TRDN: variants seen among roughly 807,000 people sequenced by gnomAD.
TRDN encodes triadin in skeletal muscle.
TRDN carries 161 observed loss-of-function variants against 149.7 expected under a neutral mutation model. The observed-to-expected ratio is 1.08, with a 90% confidence interval of 0.95 to 1.23. TRDN has a LOEUF of 1.23. TRDN is among the 50% of genes most tolerant of loss of function. The pLI is 0.00. For synonymous variants in TRDN, 294 were observed against 250.5 expected, an observed-to-expected ratio of 1.17 and a Z score of -1.64; for missense variants, 896 against 823.5, an observed-to-expected ratio of 1.09 and a Z score of -1.08.
rs190190408 is a variant in TRDN, at chr6:123,321,834, C to G, written c.1472-5339G>C. ...TATCTGATTTCTTCTGCTGCAGACA[C>G]AATGCTTTGTGGTCCGGATAAATAT... On this transcript the variant is annotated intron_variant, in intron 23 of 40. Transcript: ENST00000334268. Among the ~76,000 whole-genome samples the G allele has an allele frequency of 2.1e-4, 31 of 150,390 alleles. 1 individual carries two copies. Among genetic ancestry groups the G allele is most frequent in the African/African-American group, 7.3e-4 (30 of 40,888 alleles).
chr6:123,485,668 T>C (rs555796833), intron 9 of TRDN, among the ~76,000 whole-genome samples: 244 of 152,232 alleles, frequency 1.6e-3, no homozygotes, highest in African/African-American at 5.6e-3. Flanking sequence ...ATAATGCTTA[T>C]TATGGTTATT....
rs1785344190 is a variant in TRDN, at chr6:123,620,813, G to T, written c.22+15941C>A. Among the ~76,000 whole-genome samples the T allele has an allele frequency of 3.3e-5, 5 of 152,120 alleles. No homozygotes were observed. In the South Asian group the frequency reaches 1.0e-3, roughly 32 times the overall value. On this transcript the variant is annotated intron_variant, in intron 1 of 40. Coordinates refer to ENST00000334268, the MANE Select transcript of TRDN (RefSeq NM_006073.4). ...GAATAGAAGTGGAAACCTAAGTTTT[G>T]CCTGAATGTTAACAATAGCAATATT...
At chr6:123,301,720 T>C (rs1456231365) in intron 24 of TRDN, among the ~76,000 whole-genome samples, 2 of 121,180 alleles carry the variant, frequency 1.7e-5, no homozygotes, top group African/African-American at 5.7e-5. Flanking sequence ...AACCTCCCAG[T>C]ACATATATGT....
At chr6:123,236,290 T>C (rs1044342988) in intron 38 of TRDN, among the ~76,000 whole-genome samples, 4 of 152,238 alleles carry the variant, frequency 2.6e-5, no homozygotes, top group African/African-American at 9.6e-5. Flanking sequence ...CTGGCTCTTA[T>C]TTGCTATTCA....
rs974776438 is a variant in TRDN at position 123,610,655 on chromosome 6, T to G, written c.22+26099A>C. On this transcript the variant is annotated intron_variant, in intron 1 of 40. Coordinates refer to ENST00000334268, the MANE Select transcript of TRDN (RefSeq NM_006073.4). ...TGCTATGAGAGCCTATAATGTACCT[T>G]CATTTTAAACAGCGACAGTTGGACT... 2.7e-4 allele frequency among the ~76,000 whole-genome samples: 41 copies of G among 152,318 alleles called. 1 individual carries two copies. The highest frequency in any genetic ancestry group is 9.9e-4 in the African/African-American group (41 of 41,584).
intron 20 of TRDN, among the ~76,000 whole-genome samples, chr6:123,353,719 C>A (rs1399946034): frequency 6.6e-6 from 1 of 151,374 alleles, no homozygotes; most frequent in Non-Finnish European, 1.5e-5. Context: ...TTGAAAAAAA[C>A]AGATATCCAA....
At chr6:123,380,018 C>G (rs1465072663) in intron 16 of TRDN, among the ~76,000 whole-genome samples, 1 of 152,014 alleles carries the variant, frequency 6.6e-6, no homozygotes, top group Non-Finnish European at 1.5e-5. Flanking sequence ...AAATCCAAAT[C>G]AAAGAAATTC....
chr6:123,353,872 A>T (rs540746025), intron 20 of TRDN, among the ~76,000 whole-genome samples: 1 of 151,818 alleles, frequency 6.6e-6, no homozygotes, highest in African/African-American at 2.4e-5. Flanking sequence ...GCAAATAAAT[A>T]TGTATGAACC....
intron 33 of TRDN, 32 bp downstream of exon 33, chr6:123,265,286 A>G: frequency 7.2e-7 from 1 of 1,391,406 alleles, no homozygotes; most frequent in South Asian, 1.4e-5. Flanking sequence ...ATGAAATAGG[A>G]CAATTTTAAA....
intron 35 of TRDN, among the ~76,000 whole-genome samples, chr6:123,258,311 C>G (rs1166575105): frequency 6.6e-6 from 1 of 152,142 alleles, no homozygotes; most frequent in East Asian, 1.9e-4. Flanking sequence ...AAATTTCCAT[C>G]AATACCTAGT....
intron 12 of TRDN, among the ~76,000 whole-genome samples, chr6:123,406,201 T>C (rs943265134): frequency 6.6e-6 from 1 of 152,204 alleles, no homozygotes; most frequent in Non-Finnish European, 1.5e-5. Context: ...ATATTCTGAA[T>C]GTTATTTTCA....
At chr6:123,520,743 T>A (rs573606045) in intron 5 of TRDN, among the ~76,000 whole-genome samples, 1 of 152,304 alleles carries the variant, frequency 6.6e-6, no homozygotes, top group African/African-American at 2.4e-5. Context: ...TGGGGCTACA[T>A]AGCCATAGTA....
intron 1 of TRDN, among the ~76,000 whole-genome samples, chr6:123,634,166 C>G (rs1786165981): frequency 6.6e-6 from 1 of 152,018 alleles, no homozygotes; most frequent in Non-Finnish European, 1.5e-5. Context: ...CGTGATGGTT[C>G]TTGCCTGTAT....
At chr6:123,464,623 C>A in intron 10 of TRDN, 1 of 1,143,940 alleles carries the variant, frequency 8.7e-7, no homozygotes, top group Non-Finnish European at 1.1e-6. Context: ...CAAGGCATAG[C>A]CTTATCTATT....
chr6:123,279,133 A>C, intron 24 of TRDN, 51 bp from the exon 25 acceptor site: 1 of 1,397,900 alleles, frequency 7.2e-7, no homozygotes, highest in Non-Finnish European at 9.9e-7. Context: ...AATTCTTATT[A>C]AATTAACATT....
intron 5 of TRDN, among the ~76,000 whole-genome samples, chr6:123,525,892 A>G (rs1361723805): frequency 6.6e-6 from 1 of 152,068 alleles, no homozygotes; most frequent in African/African-American, 2.4e-5. Context: ...TAGGCCAAAT[A>G]ATGGCCCTCT....
chr6:123,614,717 T>A (rs1275761967), intron 1 of TRDN, among the ~76,000 whole-genome samples: 4 of 151,940 alleles, frequency 2.6e-5, no homozygotes, highest in Admixed American at 1.3e-4. Context: ...TTAGGGGAAT[T>A]CCTTTAAGGC....
chr6:123,357,911 C>T (rs2114324130), intron 20 of TRDN, among the ~76,000 whole-genome samples: 1 of 152,262 alleles, frequency 6.6e-6, no homozygotes, highest in Admixed American at 6.5e-5. Context: ...GAAAAGGTCA[C>T]TGGAAATGCT....
chr6:123,224,696 G>T (rs943625995), intron 38 of TRDN, among the ~76,000 whole-genome samples: 3 of 151,696 alleles, frequency 2.0e-5, no homozygotes, highest in Admixed American at 2.0e-4. Context: ...TGGGAAAACT[G>T]GATATCTATA....
Sources: gnomAD v4.1 joint callset for allele counts (sites outside exome capture counted in the v4.1 genomes callset) on GRCh38, gnomAD v4.1.1 for gene constraint, MANE v1.5 for transcripts, NCBI Gene and HGNC (gene_info 2026-07-23, HGNC 2026-07-21) for gene names.